Variants in ABCD3 observed in about 807,000 individuals in gnomAD.
ABCD3 encodes the protein ATP binding cassette subfamily D member 3, also known as ATP-binding cassette sub-family D member 3.
In ABCD3, 41 loss-of-function variants were observed where a neutral mutation model predicts 105.5. The ratio of observed to expected loss-of-function variants is 0.39; its 90% CI spans 0.30 to 0.50. The LOEUF (loss-of-function observed/expected upper bound fraction) is 0.50, where lower values mean the gene tolerates loss of function less well. Among genes scored for constraint, ABCD3 ranks in the 20% least tolerant of loss-of-function variants. The pLI is 0.84. For missense variants in ABCD3, 622 were observed against 806.3 expected (o/e 0.77, Z 2.77); for synonymous variants, 258 against 269.0 (o/e 0.96, Z 0.40).
chr1:94,418,129 G>C (rs1339493554), upstream of ABCD3, among the ~76,000 whole-genome samples: 1 of 152,188 alleles, frequency 6.6e-6, no homozygotes, highest in Non-Finnish European at 1.5e-5. Flanking sequence ...CGCGCGAAGA[G>C]TGGGAGGGTA....
intron 4 of ABCD3, among the ~76,000 whole-genome samples, chr1:94,469,130 A>C (rs1196387730): frequency 6.6e-6 from 1 of 152,184 alleles, no homozygotes; most frequent in East Asian, 1.9e-4. Context: ...AACTGTCATT[A>C]CGTGGAGCCG....
intron 1 of ABCD3, among the ~76,000 whole-genome samples, chr1:94,420,059 G>C (rs934562732): frequency 2.6e-5 from 4 of 152,160 alleles, no homozygotes; most frequent in African/African-American, 9.7e-5. Flanking sequence ...TTTTAATATG[G>C]AGGAGGGGAC....
chr1:94,491,095 T>G, intron 15 of ABCD3, 89 bp from the exon 16 acceptor site: 1 of 932,802 alleles, frequency 1.1e-6, no homozygotes, highest in South Asian at 1.5e-5. Flanking sequence ...GCCCATTTTT[T>G]AATCAGGTTA....
chr1:94,407,381 C>T, the ABCD3 span, among the ~76,000 whole-genome samples: 1 of 152,094 alleles, frequency 6.6e-6, no homozygotes, highest in Non-Finnish European at 1.5e-5. Flanking sequence ...AACTCCTGAT[C>T]TCAGGTGATC....
upstream of ABCD3, among the ~76,000 whole-genome samples, chr1:94,417,765 A>G (rs539241550): frequency 7.2e-5 from 11 of 152,180 alleles, no homozygotes; most frequent in Non-Finnish European, 7.4e-5. Flanking sequence ...TTCTATTCTC[A>G]ATTTTATTAA....
At chr1:94,412,179 TG>T in the ABCD3 span, among the ~76,000 whole-genome samples, 2 of 152,168 alleles carry the variant, frequency 1.3e-5, no homozygotes, top group African/African-American at 4.8e-5. Context: ...AAAATTTTTT[TG>T]ATGTAATAGG....
the ABCD3 span, among the ~76,000 whole-genome samples, chr1:94,392,283 A>G: frequency 2.0e-5 from 3 of 152,234 alleles, no homozygotes; most frequent in Non-Finnish European, 4.4e-5. Context: ...ACAGTCTGCC[A>G]TGGATTTCCC....
At chr1:94,412,771 T>A in the ABCD3 span, among the ~76,000 whole-genome samples, 1 of 152,252 alleles carries the variant, frequency 6.6e-6, no homozygotes, top group East Asian at 1.9e-4. Flanking sequence ...TACCACACTT[T>A]GGGGTCTTTG....
At chr1:94,421,447 C>A (rs369050981) in intron 1 of ABCD3, among the ~76,000 whole-genome samples, 36 of 152,008 alleles carry the variant, frequency 2.4e-4, no homozygotes, top group African/African-American at 8.7e-4. Flanking sequence ...CTAATCTTAC[C>A]TTTTATTTTA....
rs2101077691 is a variant in ABCD3, at chr1:94,517,329, G to A, written c.*200G>A. On this transcript the variant is annotated 3_prime_UTR_variant, in exon 23 of 23. Transcript: ENST00000370214. ...ATAGGATATTGCTAATTGTGTATAT[G>A]TTGGTTTAATTAATAATATGTACTA... 2.0e-6 allele frequency: 1 copy of A among 508,280 alleles called. No homozygotes were observed. Among genetic ancestry groups the A allele is most frequent in the African/African-American group, 1.9e-5 (1 of 51,290 alleles). 31.5% of individuals were successfully genotyped at this position (508,280 alleles called of 1,614,324 possible). A position where few individuals can be genotyped will look rare whatever the true frequency, so the allele number is the denominator to read the frequency against.
At chr1:94,440,089 A>C (rs932565518) in intron 1 of ABCD3, among the ~76,000 whole-genome samples, 5 of 152,184 alleles carry the variant, frequency 3.3e-5, no homozygotes, top group African/African-American at 4.8e-5. Context: ...TATAGTTTTT[A>C]TATCTTGTAG....
intron 1 of ABCD3, among the ~76,000 whole-genome samples, chr1:94,435,379 A>G (rs1194877258): frequency 1.3e-5 from 2 of 152,138 alleles, no homozygotes; most frequent in Admixed American, 6.5e-5. Context: ...GTGTCTATAA[A>G]AAGTAAAAAA....
At chr1:94,511,436 A>G (rs1479482351) in intron 21 of ABCD3, among the ~76,000 whole-genome samples, 1 of 151,612 alleles carries the variant, frequency 6.6e-6, no homozygotes, top group Non-Finnish European at 1.5e-5. Context: ...TTTTTCCTTC[A>G]TTTCAACTTT....
upstream of ABCD3, among the ~76,000 whole-genome samples, chr1:94,416,115 G>T (rs1658995083): frequency 6.6e-6 from 1 of 152,122 alleles, no homozygotes; most frequent in Non-Finnish European, 1.5e-5. Context: ...CTATTTTCTA[G>T]ACTGTTTTTG....
chr1:94,414,303 C>T (rs184906194), upstream of ABCD3, among the ~76,000 whole-genome samples: 20 of 152,280 alleles, frequency 1.3e-4, no homozygotes, highest in Admixed American at 1.3e-3. Context: ...CCCTCTTAGA[C>T]ACTCAGCAAG....
the ABCD3 span, among the ~76,000 whole-genome samples, chr1:94,409,129 A>T: frequency 6.6e-6 from 1 of 152,194 alleles, no homozygotes; most frequent in Non-Finnish European, 1.5e-5. Context: ...AAAAATAGAA[A>T]GAATGAATAA....
intron 1 of ABCD3, among the ~76,000 whole-genome samples, chr1:94,434,143 A>T (rs1557661216): frequency 6.6e-6 from 1 of 152,134 alleles, no homozygotes; most frequent in Non-Finnish European, 1.5e-5. Flanking sequence ...AGACTTTATA[A>T]ACACTGTACA....
At chr1:94,496,944 C>G (rs532140194) in intron 16 of ABCD3, among the ~76,000 whole-genome samples, 1 of 151,530 alleles carries the variant, frequency 6.6e-6, no homozygotes, top group Admixed American at 6.6e-5. Flanking sequence ...ATTTTTGTAT[C>G]TTTAGTAGAG....
chr1:94,434,960 T>C (rs1570741938), intron 1 of ABCD3, among the ~76,000 whole-genome samples: 1 of 152,022 alleles, frequency 6.6e-6, no homozygotes, highest in South Asian at 2.1e-4. Context: ...AAAACTATAA[T>C]TTAGTTGTGT....
Sources: gnomAD v4.1 joint callset for allele counts (sites outside exome capture counted in the v4.1 genomes callset) on GRCh38, gnomAD v4.1.1 for gene constraint, MANE v1.5 for transcripts, NCBI Gene and HGNC (gene_info 2026-07-23, HGNC 2026-07-21) for gene names.